ITPR1: variants seen among roughly 807,000 people sequenced by gnomAD.
The protein encoded by ITPR1 is inositol 1,4,5-trisphosphate-gated calcium channel ITPR1.
ITPR1 carries 96 observed loss-of-function variants against 318.4 expected under a neutral mutation model. The ratio of observed to expected loss-of-function variants is 0.30; its 90% confidence interval spans 0.26 to 0.36. ITPR1 has a LOEUF of 0.36. Among genes scored for constraint, ITPR1 ranks in the 10% least tolerant of loss-of-function variants. The probability of loss-of-function intolerance (pLI) is 1.00; values close to 1 mark genes in which losing one functional copy is unlikely to be tolerated. For missense variants in ITPR1, 2,440 were observed against 3,460.2 expected, an observed-to-expected ratio of 0.71 and a Z score of 7.40; for synonymous variants, 1,312 against 1,289.9, an observed-to-expected ratio of 1.02 and a Z score of -0.37.
At chr3:4,556,036 G>T (rs2125008246) in intron 4 of ITPR1, among the ~76,000 whole-genome samples, 1 of 152,286 alleles carries the variant, frequency 6.6e-6, no homozygotes, top group East Asian at 1.9e-4. Context: ...TCATTCACAT[G>T]TGCAAATATT....
At chr3:4,751,917 T>C (rs947069604) in intron 44 of ITPR1, among the ~76,000 whole-genome samples, 1 of 152,236 alleles carries the variant, frequency 6.6e-6, no homozygotes, top group African/African-American at 2.4e-5. Context: ...CTGGTTCTTC[T>C]GCCTTGACCC....
chr3:4,829,441 T>A (rs1559970039), intron 60 of ITPR1, among the ~76,000 whole-genome samples: 2 of 151,806 alleles, frequency 1.3e-5, no homozygotes, highest in African/African-American at 4.8e-5. Flanking sequence ...ATCCCATTTT[T>A]AAAAAATTAA....
At chr3:4,836,251 G>T (rs962504555) in intron 60 of ITPR1, among the ~76,000 whole-genome samples, 11 of 152,176 alleles carry the variant, frequency 7.2e-5, no homozygotes, top group Admixed American at 3.9e-4. Flanking sequence ...GCCCGGGGCC[G>T]GCGGGAATGG....
intron 17 of ITPR1, among the ~76,000 whole-genome samples, chr3:4,666,859 T>C (rs1405684650): frequency 2.0e-5 from 3 of 152,228 alleles, no homozygotes; most frequent in Non-Finnish European, 4.4e-5. Context: ...ATGCATATGA[T>C]GGATTTTCTT....
chr3:4,725,504 G>C, intron 40 of ITPR1, 42 bp from the exon 41 acceptor site: 11 of 1,559,042 alleles, frequency 7.1e-6, no homozygotes, highest in Non-Finnish European at 9.6e-6. Flanking sequence ...CCCACGAGAT[G>C]CAAGTGCCAT....
chr3:4,559,660 A>G (rs1177164854), intron 4 of ITPR1, among the ~76,000 whole-genome samples: 1 of 152,184 alleles, frequency 6.6e-6, no homozygotes, highest in Non-Finnish European at 1.5e-5. Flanking sequence ...AATTACTTTT[A>G]AAGCTAATAG....
chr3:4,737,390 A>G (rs554052937), intron 44 of ITPR1, among the ~76,000 whole-genome samples: 1 of 152,188 alleles, frequency 6.6e-6, no homozygotes, highest in Admixed American at 6.5e-5. Context: ...TGGGCTTTCA[A>G]GGATGGACAT....
chr3:4,550,328 T>C (rs985640073), intron 4 of ITPR1, among the ~76,000 whole-genome samples: 9 of 152,218 alleles, frequency 5.9e-5, no homozygotes, highest in African/African-American at 2.2e-4. Context: ...AAATGGGCAT[T>C]GACCAGTCCG....
At chr3:4,571,339 CT>C (rs1340466948) in intron 4 of ITPR1, among the ~76,000 whole-genome samples, 2 of 151,922 alleles carry the variant, frequency 1.3e-5, no homozygotes, top group East Asian at 1.9e-4. Context: ...CTTCTCTTCC[CT>C]TTTTTTCTTT....
intron 4 of ITPR1, among the ~76,000 whole-genome samples, chr3:4,609,536 A>G (rs553817792): frequency 5.3e-5 from 8 of 152,144 alleles, no homozygotes; most frequent in South Asian, 2.1e-4. Context: ...ATATGTACAG[A>G]TGTCAAAACT....
chr3:4,743,174 C>T (rs2043829811), intron 44 of ITPR1, among the ~76,000 whole-genome samples: 2 of 152,252 alleles, frequency 1.3e-5, no homozygotes, highest in Non-Finnish European at 2.9e-5. Context: ...TTCTTTCCCT[C>T]CTTCTCTTCC....
Position 4,826,280 on chromosome 3 carries a change from T to A in ITPR1, c.8028+8038T>A, listed in dbSNP as rs2050070597. 6.6e-6 allele frequency among the ~76,000 whole-genome samples: 1 copy of A among 152,262 alleles called. No individual in the cohort carries two copies. Among genetic ancestry groups the A allele is most frequent in the African/African-American group, 2.4e-5 (1 of 41,466 alleles). On this transcript the variant is annotated intron_variant, in intron 60 of 61. Transcript: ENST00000649015. This position sits in a 1 kb window ranked among gnomAD's most constrained non-coding sequence, Gnocchi z 4.2. Reference sequence around the variant, plus strand: ...AATATTGATATTTCAACATTGGTAGTGCTGAGCAGCAGCTTTCCTTGTGGC... The same window carrying A: ...AATATTGATATTTCAACATTGGTAGAGCTGAGCAGCAGCTTTCCTTGTGGC...
Position 4,673,104 on chromosome 3 carries a change from C to T in ITPR1, c.2205-32C>T, listed in dbSNP as rs372043010. ...CATTCATCCTGAATGATTTCTGGAG[C>T]GTGAGCTGTGTGCCCTTGTTCCTTC... On this transcript the variant is annotated intron_variant, in intron 20 of 61. Transcript: ENST00000649015. The T allele has an allele frequency of 3.0e-5, 48 of 1,592,320 alleles. 1 individual carries two copies. Among genetic ancestry groups the T allele is most frequent in the East Asian group, 2.9e-4 (13 of 44,588 alleles).
chr3:4,615,426 G>T (rs995647282), intron 4 of ITPR1, among the ~76,000 whole-genome samples: 1 of 149,076 alleles, frequency 6.7e-6, no homozygotes, highest in Admixed American at 6.7e-5. Context: ...GCCCAGGCTG[G>T]AGTGCAATGG....
At position 4,600,998 on chromosome 3, in the gene ITPR1, AT is replaced by A. The variant is rs577466653; in HGVS notation, c.164-26761del. 1.8e-3 allele frequency among the ~76,000 whole-genome samples: 277 copies of A among 152,138 alleles called. No individual in the cohort carries two copies. In the Middle Eastern group the frequency reaches 0.031, roughly 17 times the overall value. On this transcript the variant is annotated intron_variant, in intron 4 of 61. Transcript: ENST00000649015. ...AATTAATTCTTTTCAGAAAGTAAAT[AT>A]TTTCTGAGTAACTAATTGAGGAATT...
intron 4 of ITPR1, among the ~76,000 whole-genome samples, chr3:4,540,402 T>C (rs2084323229): frequency 6.6e-6 from 1 of 152,250 alleles, no homozygotes. Context: ...TCATAAACTG[T>C]ACATAACTAG....
chr3:4,646,984 T>C (rs1318513139), intron 10 of ITPR1, among the ~76,000 whole-genome samples: 4 of 152,148 alleles, frequency 2.6e-5, no homozygotes, highest in African/African-American at 9.7e-5. Flanking sequence ...AATGAATTTT[T>C]ACGTATACGT....
intron 17 of ITPR1, among the ~76,000 whole-genome samples, 168 bp from the exon 18 acceptor site, chr3:4,667,209 G>A (rs547518218): frequency 2.6e-5 from 4 of 152,206 alleles, no homozygotes; most frequent in Admixed American, 1.3e-4. Flanking sequence ...GAAGGAGTTT[G>A]CAGCTGTTGC....
At chr3:4,572,721 C>A (rs2088157944) in intron 4 of ITPR1, among the ~76,000 whole-genome samples, 1 of 152,160 alleles carries the variant, frequency 6.6e-6, no homozygotes, top group African/African-American at 2.4e-5. Context: ...AAGTTCTGTT[C>A]GCATTAAACA....
Sources: gnomAD v4.1 joint callset for allele counts (sites outside exome capture counted in the v4.1 genomes callset) on GRCh38, gnomAD v4.1.1 for gene constraint, Gnocchi (gnomAD v3.1) non-coding constraint, MANE v1.5 for transcripts, NCBI Gene and HGNC (gene_info 2026-07-23, HGNC 2026-07-21) for gene names.